Variants in PDE4D observed in about 807,000 individuals in gnomAD.
PDE4D encodes phosphodiesterase 4D.
Under a neutral mutation model 87.4 loss-of-function variants are expected in PDE4D, and 24 were observed. That is an observed-to-expected ratio of 0.27 (90% CI 0.20 to 0.39). The LOEUF is 0.39. PDE4D is among the 10% of genes least tolerant of loss of function. The probability of loss-of-function intolerance (pLI) is 1.00; values close to 1 mark genes in which losing one functional copy is unlikely to be tolerated. For missense variants in PDE4D, 714 were observed against 1,041.0 expected, an observed-to-expected ratio of 0.69 and a Z score of 4.32; for synonymous variants, 384 against 383.2, an observed-to-expected ratio of 1.00 and a Z score of -0.02.
intron 3 of PDE4D, among the ~76,000 whole-genome samples, chr5:59,916,377 T>C (rs928881659): frequency 2.0e-5 from 3 of 152,200 alleles, no homozygotes; most frequent in Non-Finnish European, 2.9e-5. Context: ...GTAGCTTTAT[T>C]AATGTGAGAA....
intron 1 of PDE4D, among the ~76,000 whole-genome samples, chr5:59,854,511 T>C (rs965022295): frequency 6.6e-6 from 1 of 152,130 alleles, no homozygotes; most frequent in Non-Finnish European, 1.5e-5. Flanking sequence ...TCCCTAATGA[T>C]TTCTTCCTTT....
intron 1 of PDE4D, among the ~76,000 whole-genome samples, chr5:59,440,065 CTTAA>C (rs1370406206): frequency 1.3e-5 from 2 of 152,278 alleles, no homozygotes; most frequent in African/African-American, 4.8e-5. Context: ...AAACATCTCT[CTTAA>C]TTAATGAAAG....
intron 1 of PDE4D, among the ~76,000 whole-genome samples, chr5:59,531,813 G>A (rs1476812769): frequency 6.6e-6 from 1 of 152,174 alleles, no homozygotes; most frequent in Non-Finnish European, 1.5e-5. Context: ...TACATCTCAA[G>A]GTCTGTGCCC....
In PDE4D at chr5:59,762,379, T is replaced by TATGTGTATATGGGTACAC. The variant is rs1554079165; in HGVS notation, c.455+130771_455+130788dup. 3.3e-4 allele frequency among the ~76,000 whole-genome samples: 44 copies of TATGTGTATATGGGTACAC among 133,628 alleles called. 2 individuals carry two copies. Among genetic ancestry groups the TATGTGTATATGGGTACAC allele is most frequent in the African/African-American group, 1.2e-3 (44 of 36,282 alleles). The allele number at this position is 133,628 out of a possible 152,430, so 87.7% of individuals were successfully genotyped here. A position where few individuals can be genotyped will look rare whatever the true frequency, so the allele number is the denominator to read the frequency against. ...ATGTGTATATGGGTACACATGTGTATATGTGTATATGGGTACACATGTGTA... is the reference window on the plus strand; with the variant it reads ...ATGTGTATATGGGTACACATGTGTATATGTGTATATGGGTACACATGTGTATATGGGTACACATGTGTA... On this transcript the variant is annotated intron_variant, in intron 1 of 14. Coordinates refer to ENST00000340635, the MANE Select transcript of PDE4D (RefSeq NM_001104631.2).
At chr5:59,011,649 A>G (rs944958354) in intron 6 of PDE4D, among the ~76,000 whole-genome samples, 2 of 152,228 alleles carry the variant, frequency 1.3e-5, no homozygotes, top group Admixed American at 6.5e-5. Flanking sequence ...GAAATATGGG[A>G]CTATGTGAAA....
chr5:60,433,870 T>C (rs1171994692), intron 1 of PDE4D, among the ~76,000 whole-genome samples: 1 of 152,104 alleles, frequency 6.6e-6, no homozygotes, highest in Non-Finnish European at 1.5e-5. Flanking sequence ...GAGCTAAACA[T>C]TGAGTTACAT....
intron 5 of PDE4D, chr5:59,174,455 G>A (rs1415436980): frequency 6.6e-6 from 1 of 152,652 alleles, no homozygotes; most frequent in African/African-American, 2.4e-5. Flanking sequence ...GCAGGCAGCT[G>A]TACTAGTTTC....
intron 1 of PDE4D, among the ~76,000 whole-genome samples, chr5:60,326,322 C>A (rs1583430055): frequency 6.6e-6 from 1 of 152,096 alleles, no homozygotes; most frequent in South Asian, 2.1e-4. Context: ...CACAACCTTG[C>A]AAGCATTTGC....
chr5:59,588,487 G>T (rs1467008271), intron 1 of PDE4D, among the ~76,000 whole-genome samples: 1 of 152,126 alleles, frequency 6.6e-6, no homozygotes, highest in East Asian at 1.9e-4. Flanking sequence ...ATATTAAATG[G>T]AATACCGGCA....
intron 2 of PDE4D, among the ~76,000 whole-genome samples, chr5:60,043,343 G>C (rs754596679): frequency 1.6e-4 from 24 of 152,132 alleles, no homozygotes; most frequent in Admixed American, 1.1e-3. Flanking sequence ...AAAGTGATGG[G>C]AGAATGGAAC....
At chr5:60,079,933 G>C (rs760770149) in intron 2 of PDE4D, among the ~76,000 whole-genome samples, 1 of 152,148 alleles carries the variant, frequency 6.6e-6, no homozygotes, top group Non-Finnish European at 1.5e-5. Flanking sequence ...ATAGTTTGAT[G>C]GGCATAGCTC....
intron 4 of PDE4D, among the ~76,000 whole-genome samples, chr5:59,183,443 C>A (rs1327391556): frequency 6.6e-6 from 1 of 152,136 alleles, no homozygotes; most frequent in Non-Finnish European, 1.5e-5. Flanking sequence ...TCTCTGGAGC[C>A]TGACTGATCA....
At chr5:59,492,706 G>A (rs1379454392) in intron 1 of PDE4D, among the ~76,000 whole-genome samples, 1 of 151,648 alleles carries the variant, frequency 6.6e-6, no homozygotes, top group Non-Finnish European at 1.5e-5. Context: ...TCTATTATAT[G>A]TTTAGGCTGT....
At chr5:59,582,242 G>A (rs1310952995) in intron 1 of PDE4D, among the ~76,000 whole-genome samples, 1 of 152,128 alleles carries the variant, frequency 6.6e-6, no homozygotes, top group Non-Finnish European at 1.5e-5. Flanking sequence ...CATGAGACTT[G>A]ATACGTCATT....
chr5:60,464,006 C>G (rs560193417), intron 1 of PDE4D, among the ~76,000 whole-genome samples: 1 of 152,226 alleles, frequency 6.6e-6, no homozygotes, highest in Admixed American at 6.5e-5. Flanking sequence ...GAAATTTTAA[C>G]CCATTTCTTT....
intron 1 of PDE4D, among the ~76,000 whole-genome samples, chr5:59,819,748 G>A (rs536399946): frequency 2.0e-5 from 3 of 152,340 alleles, no homozygotes; most frequent in Non-Finnish European, 2.9e-5. Context: ...TATTTGGACA[G>A]TAGCTATCTT....
At chr5:59,979,639 A>G (rs929239570) in intron 3 of PDE4D, among the ~76,000 whole-genome samples, 1 of 152,184 alleles carries the variant, frequency 6.6e-6, no homozygotes, top group Non-Finnish European at 1.5e-5. Context: ...TGTTGCATAC[A>G]TGACTTCAAA....
At chr5:59,798,222 G>T (rs1766709736) in intron 1 of PDE4D, among the ~76,000 whole-genome samples, 1 of 144,884 alleles carries the variant, frequency 6.9e-6, no homozygotes, top group Admixed American at 6.9e-5. Context: ...GACAGAACAA[G>T]TCTCCATCTC....
At chr5:59,668,918 G>GAAGAAGAAGAAGAAGAAGA (rs1364102706) in intron 1 of PDE4D, among the ~76,000 whole-genome samples, 6 of 71,154 alleles carry the variant, frequency 8.4e-5, no homozygotes, top group East Asian at 5.8e-4. Context: ...AGAAGAAGAA[G>GAAGAAGAAGAAGAAGAAGA]AAGAAAGAAA....
Sources: allele counts gnomAD v4.1 joint callset (sites outside exome capture counted in the v4.1 genomes callset), GRCh38; gene constraint gnomAD v4.1.1; transcripts MANE v1.5; gene names NCBI Gene and HGNC (gene_info 2026-07-23, HGNC 2026-07-21).